TRAPPC12: variants seen among roughly 807,000 people sequenced by gnomAD.
The protein encoded by TRAPPC12 is TPR repeat protein 15.
In TRAPPC12, 61 loss-of-function variants were observed where a neutral mutation model predicts 69.2. That is an observed-to-expected ratio of 0.88 (90% confidence interval 0.72 to 1.09). The LOEUF (loss-of-function observed/expected upper bound fraction) is 1.09. TRAPPC12 is among the 50% of genes least tolerant of loss of function. The probability of loss-of-function intolerance (pLI) is 0.00; values close to 1 mark genes in which losing one functional copy is unlikely to be tolerated. For missense variants in TRAPPC12, 1,101 were observed against 1,016.4 expected (o/e 1.08, Z -1.13); for synonymous variants, 469 against 438.9 (o/e 1.07, Z -0.86).
chr2:3,465,509 C>T (rs1015685603), intron 8 of TRAPPC12, 88 bp from the exon 9 acceptor site: 30 of 906,052 alleles, frequency 3.3e-5, no homozygotes, highest in Admixed American at 1.1e-4. Context: ...CTCTACACCG[C>T]GTCTGTATAC....
chr2:3,434,331 C>G lies in TRAPPC12; in HGVS notation c.1418-9448C>G, dbSNP rs1211461076. On this transcript the variant is annotated intron_variant, in intron 5 of 11. Transcript: ENST00000324266. ...CCATTTATTGTTTTAATTCTGTGAT[C>G]TATATATTTTTTCTAGGAAGGGGTG... Among the ~76,000 whole-genome samples the G allele has an allele frequency of 2.0e-5, 3 of 152,146 alleles. 1 individual carries two copies. Among genetic ancestry groups the G allele is most frequent in the South Asian group, 4.1e-4 (2 of 4,826 alleles).
At chr2:3,404,177 C>T (rs1026627042) in intron 3 of TRAPPC12, among the ~76,000 whole-genome samples, 3 of 152,044 alleles carry the variant, frequency 2.0e-5, no homozygotes, top group Non-Finnish European at 4.4e-5. Flanking sequence ...AGGGCCTTTC[C>T]GAAGCATGGG....
intron 3 of TRAPPC12, 54 bp from the exon 4 acceptor site, chr2:3,421,827 A>T: frequency 3.9e-6 from 6 of 1,527,952 alleles, no homozygotes; most frequent in Non-Finnish European, 5.4e-6. Flanking sequence ...TGGGTCATGG[A>T]TTCCACCATG....
chr2:3,414,255 G>A lies in TRAPPC12; in HGVS notation c.1165-7626G>A, dbSNP rs573091241. On this transcript the variant is annotated intron_variant, in intron 3 of 11. Coordinates refer to ENST00000324266, the MANE Select transcript of TRAPPC12 (RefSeq NM_016030.6). This position sits in a 1 kb window ranked among gnomAD's most constrained non-coding sequence, Gnocchi z 4.9. ...TGCAGATTCAGCTCATTCAGTTTGGGAAATGTGACCCACTTGGCAGCCAGT... is the reference window on the plus strand; with the variant it reads ...TGCAGATTCAGCTCATTCAGTTTGGAAAATGTGACCCACTTGGCAGCCAGT... Among the ~76,000 whole-genome samples, 2 of 152,232 alleles carry A rather than the reference G, an allele frequency of 1.3e-5. No homozygotes were observed. The highest frequency in any genetic ancestry group is 2.9e-5 in the Non-Finnish European group (2 of 68,024).
intron 3 of TRAPPC12, among the ~76,000 whole-genome samples, chr2:3,411,073 C>T (rs1662028200): frequency 6.6e-6 from 1 of 152,140 alleles, no homozygotes; most frequent in Admixed American, 6.5e-5. Flanking sequence ...GTTCACTGGG[C>T]TTTGTGTGGC....
intron 1 of TRAPPC12, among the ~76,000 whole-genome samples, chr2:3,380,357 T>C (rs1240889655): frequency 1.3e-5 from 2 of 152,242 alleles, no homozygotes; most frequent in African/African-American, 4.8e-5. Flanking sequence ...GTAAAAGCAT[T>C]TGAGTCACTG....
At chr2:3,450,470 C>T (rs1407786095) in intron 6 of TRAPPC12, among the ~76,000 whole-genome samples, 3 of 152,158 alleles carry the variant, frequency 2.0e-5, no homozygotes, top group Non-Finnish European at 4.4e-5. Context: ...TCTGAAGTGC[C>T]GGCTGCATGA....
intron 2 of TRAPPC12, among the ~76,000 whole-genome samples, chr2:3,400,398 C>T (rs991938177): frequency 1.3e-5 from 2 of 151,810 alleles, no homozygotes; most frequent in African/African-American, 4.8e-5. Flanking sequence ...TCCCAGGATA[C>T]TCACTGTCTC....
intron 8 of TRAPPC12, among the ~76,000 whole-genome samples, chr2:3,465,361 G>T (rs1572202338): frequency 6.6e-6 from 1 of 152,324 alleles, no homozygotes; most frequent in Non-Finnish European, 1.5e-5. Flanking sequence ...CCGGTGACAG[G>T]CAGGACCCCG....
At chr2:3,382,658 C>T (rs1364182903) in intron 1 of TRAPPC12, among the ~76,000 whole-genome samples, 1 of 152,164 alleles carries the variant, frequency 6.6e-6, no homozygotes, top group Non-Finnish European at 1.5e-5. Flanking sequence ...AAGCACGTGG[C>T]TCACGCCTGT....
At chr2:3,420,568 C>T (rs1662721632) in intron 3 of TRAPPC12, among the ~76,000 whole-genome samples, 1 of 152,154 alleles carries the variant, frequency 6.6e-6, no homozygotes, top group Non-Finnish European at 1.5e-5. Flanking sequence ...AGTGTGAGGC[C>T]ACATGTCAGA....
At chr2:3,399,619 C>T (rs1379103161) in intron 2 of TRAPPC12, among the ~76,000 whole-genome samples, 1 of 152,194 alleles carries the variant, frequency 6.6e-6, no homozygotes, top group South Asian at 2.1e-4. Flanking sequence ...CTGCCGCAGG[C>T]TGTTGATCTC....
intron 2 of TRAPPC12, chr2:3,389,914 A>G (rs1240879635): frequency 2.4e-6 from 1 of 412,178 alleles, no homozygotes; most frequent in Admixed American, 2.6e-5. Context: ...TGGGCTCAGA[A>G]TGGAGGGGTG....
Position 3,395,560 on chromosome 2 carries a change from C to CTTT in TRAPPC12, c.1048-6199_1048-6197dup, listed in dbSNP as rs10671671. Among the ~76,000 whole-genome samples the CTTT allele has an allele frequency of 6.7e-3, 788 of 118,092 alleles. 16 individuals carry two copies. The highest frequency in any genetic ancestry group is 7.9e-3 in the Non-Finnish European group (460 of 58,426). 77.5% of individuals were successfully genotyped at this position (118,092 alleles called of 152,430 possible). ...GCTTTTATTAGTTTCAAAATTATTA[C>CTTT]TTTTTTTTTTTTTTTTTTTTGAGAC... On this transcript the variant is annotated intron_variant, in intron 2 of 11. Transcript: ENST00000324266.
intron 2 of TRAPPC12, among the ~76,000 whole-genome samples, chr2:3,399,556 G>T (rs115040892): frequency 6.6e-6 from 1 of 152,100 alleles, no homozygotes; most frequent in Non-Finnish European, 1.5e-5. Flanking sequence ...CGAGCACCAG[G>T]TTTAGCACCC....
At chr2:3,475,936 T>C (rs1355020132) in intron 9 of TRAPPC12, among the ~76,000 whole-genome samples, 1 of 152,232 alleles carries the variant, frequency 6.6e-6, no homozygotes, top group Non-Finnish European at 1.5e-5. Flanking sequence ...GATGATGGGC[T>C]GTAATCATCT....
At chr2:3,405,049 G>A (rs998061411) in intron 3 of TRAPPC12, among the ~76,000 whole-genome samples, 9 of 151,982 alleles carry the variant, frequency 5.9e-5, no homozygotes, top group African/African-American at 2.2e-4. Flanking sequence ...GAGAACCCTC[G>A]GGTTCCAGGG....
rs182822675 is a variant in TRAPPC12 at position 3,461,520 on chromosome 2, A to G, written c.1677+1184A>G. Among the ~76,000 whole-genome samples the G allele has an allele frequency of 2.0e-3, 298 of 152,358 alleles. 2 individuals are homozygous for G. The highest frequency in any genetic ancestry group is 6.9e-3 in the African/African-American group (286 of 41,582). On this transcript the variant is annotated intron_variant, in intron 8 of 11. Transcript: ENST00000324266. ...TCAGCCTCCTCCTTAAAATAAGGGC[A>G]TAGATCTGAGATCTCTGAAATCCCT...
intron 5 of TRAPPC12, among the ~76,000 whole-genome samples, chr2:3,440,056 C>G (rs948947378): frequency 6.6e-6 from 1 of 152,078 alleles, no homozygotes; most frequent in Admixed American, 6.5e-5. Context: ...TTTGTCCGTT[C>G]TTTTTCTAGG....
Sources: gnomAD v4.1 joint callset for allele counts (sites outside exome capture counted in the v4.1 genomes callset) on GRCh38, gnomAD v4.1.1 for gene constraint, Gnocchi (gnomAD v3.1) non-coding constraint, MANE v1.5 for transcripts, NCBI Gene and HGNC (gene_info 2026-07-23, HGNC 2026-07-21) for gene names.